The following DOCK3 variants were observed in gnomAD, a reference collection of about 807,000 sequenced individuals.
DOCK3 encodes dedicator of cytokinesis 3, also known as dedicator of cytokinesis protein 3.
DOCK3 carries 60 observed loss-of-function variants against 265.6 expected under a neutral mutation model. The observed-to-expected ratio is 0.23, with a 90% CI of 0.18 to 0.28. The LOEUF is 0.28. Ranked by LOEUF, DOCK3 falls within the 10% of genes least tolerant of loss-of-function variation. The pLI is 1.00. For missense variants in DOCK3, 1,981 were observed against 2,594.3 expected (o/e 0.76, Z 5.14); for synonymous variants, 881 against 938.0 (o/e 0.94, Z 1.11).
chr3:50,890,172 C>A, intron 4 of DOCK3, 91 bp downstream of exon 4: 1 of 1,019,178 alleles, frequency 9.8e-7, no homozygotes, highest in Non-Finnish European at 1.3e-6. Flanking sequence ...ATAAAATATA[C>A]AATTGATATG....
At chr3:50,787,020 A>G (rs947318919) in intron 2 of DOCK3, 4 of 741,142 alleles carry the variant, frequency 5.4e-6, no homozygotes, top group Non-Finnish European at 1.0e-5. Context: ...TTTTTCTCAC[A>G]AATTTCACAG....
chr3:51,305,703 A>AGTGTGT (rs528554544), intron 27 of DOCK3, among the ~76,000 whole-genome samples: 1 of 94,910 alleles, frequency 1.1e-5, no homozygotes, highest in Admixed American at 1.1e-4. Context: ...TAATTCCCTC[A>AGTGTGT]GTGTGTGTGT....
chr3:51,059,368 A>G (rs2081321102), intron 5 of DOCK3, among the ~76,000 whole-genome samples: 1 of 152,010 alleles, frequency 6.6e-6, no homozygotes, highest in South Asian at 2.1e-4. Flanking sequence ...GGGGAAATGC[A>G]GACATTTGGA....
chr3:50,796,143 C>T (rs1388469750), intron 2 of DOCK3, among the ~76,000 whole-genome samples: 1 of 151,732 alleles, frequency 6.6e-6, no homozygotes, highest in African/African-American at 2.4e-5. Flanking sequence ...TGGGTTCACG[C>T]CATTCTCCTG....
chr3:51,041,558 T>TA (rs1337456486), intron 5 of DOCK3, among the ~76,000 whole-genome samples: 2 of 152,060 alleles, frequency 1.3e-5, no homozygotes, highest in African/African-American at 2.4e-5. Context: ...AAGTGGAAAT[T>TA]ACTCCCTGAT....
chr3:51,227,808 A>C lies in DOCK3; in HGVS notation c.1541-174A>C, dbSNP rs1301735770. Among the ~76,000 whole-genome samples, 3 of 152,178 alleles carry C rather than the reference A, an allele frequency of 2.0e-5. No individual in the cohort carries two copies. In the East Asian group the frequency reaches 5.8e-4, roughly 29 times the overall value. On this transcript the variant is annotated intron_variant, in intron 16 of 52. Coordinates refer to ENST00000266037, the MANE Select transcript of DOCK3 (RefSeq NM_004947.5). Reference sequence around the variant, plus strand: ...GGGTCTAGGTAGCCTATATGCCTTGAGTATGAATGGAAACTCATTTCAGCA... The same window carrying C: ...GGGTCTAGGTAGCCTATATGCCTTGCGTATGAATGGAAACTCATTTCAGCA...
intron 1 of DOCK3, among the ~76,000 whole-genome samples, chr3:50,698,350 G>A (rs942722702): frequency 2.6e-5 from 4 of 151,880 alleles, no homozygotes; most frequent in Admixed American, 2.0e-4. Context: ...ATATCAATAC[G>A]TCATTCCTTT....
intron 1 of DOCK3, among the ~76,000 whole-genome samples, chr3:50,687,741 C>T (rs2034930946): frequency 6.6e-6 from 1 of 152,226 alleles, no homozygotes; most frequent in African/African-American, 2.4e-5. Context: ...AATTAGAAAG[C>T]TGTCCAGTCA....
chr3:50,957,914 TTATTC>T (rs1195050089), intron 5 of DOCK3, among the ~76,000 whole-genome samples: 1 of 152,210 alleles, frequency 6.6e-6, no homozygotes, highest in Non-Finnish European at 1.5e-5. Flanking sequence ...TTTCCCTAGT[TTATTC>T]TATTTTTTTC....
intron 9 of DOCK3, among the ~76,000 whole-genome samples, chr3:51,141,508 A>G (rs529700104): frequency 6.6e-6 from 1 of 152,268 alleles, no homozygotes; most frequent in African/African-American, 2.4e-5. Flanking sequence ...TATGGTGTGA[A>G]ATAAAGGTCC....
intron 5 of DOCK3, among the ~76,000 whole-genome samples, chr3:51,035,194 C>T (rs1266887546): frequency 1.3e-5 from 2 of 152,056 alleles, no homozygotes; most frequent in African/African-American, 4.8e-5. Context: ...CTCATTCTCT[C>T]TTTGTCTTTT....
At chr3:51,147,532 G>A (rs1358844397) in intron 10 of DOCK3, among the ~76,000 whole-genome samples, 1 of 152,010 alleles carries the variant, frequency 6.6e-6, no homozygotes, top group Non-Finnish European at 1.5e-5. Flanking sequence ...GATGTTCCCT[G>A]CCCTATGTCC....
At chr3:50,678,500 G>A (rs1014823614) in intron 1 of DOCK3, among the ~76,000 whole-genome samples, 1 of 152,176 alleles carries the variant, frequency 6.6e-6, no homozygotes, top group Admixed American at 6.5e-5. Flanking sequence ...AGCACCAACA[G>A]TTTTTAAAAC....
At chr3:51,105,743 C>T (rs1278165099) in intron 9 of DOCK3, among the ~76,000 whole-genome samples, 1 of 152,090 alleles carries the variant, frequency 6.6e-6, no homozygotes, top group Non-Finnish European at 1.5e-5. Flanking sequence ...AAGATGGTTG[C>T]ACTCCTAGCA....
At chr3:50,773,757 C>T (rs2041423833) in intron 1 of DOCK3, among the ~76,000 whole-genome samples, 1 of 152,010 alleles carries the variant, frequency 6.6e-6, no homozygotes, top group African/African-American at 2.4e-5. Flanking sequence ...GACTACAGAA[C>T]CTAATCCTTT....
chr3:51,310,780 T>C (rs1025843002), intron 28 of DOCK3, among the ~76,000 whole-genome samples: 1 of 152,222 alleles, frequency 6.6e-6, no homozygotes, highest in East Asian at 1.9e-4. Flanking sequence ...CCTGACTGCC[T>C]CATTTATATT....
intron 3 of DOCK3, among the ~76,000 whole-genome samples, chr3:50,872,958 G>C (rs2047504716): frequency 6.6e-6 from 1 of 152,178 alleles, no homozygotes; most frequent in African/African-American, 2.4e-5. Flanking sequence ...GTCCAGGACA[G>C]GTCCAGAAAT....
chr3:51,355,459 C>T (rs1030808997), intron 41 of DOCK3, among the ~76,000 whole-genome samples: 7 of 152,154 alleles, frequency 4.6e-5, no homozygotes, highest in East Asian at 3.9e-4. Context: ...CTTCATCAGG[C>T]GGACTGGGGC....
chr3:50,960,372 C>A (rs1026118129), intron 5 of DOCK3, among the ~76,000 whole-genome samples: 8 of 151,972 alleles, frequency 5.3e-5, no homozygotes, highest in Non-Finnish European at 1.2e-4. Flanking sequence ...ATCATTGTCT[C>A]CCTTTTTAAA....
Sources: gnomAD v4.1 joint callset for allele counts (sites outside exome capture counted in the v4.1 genomes callset) on GRCh38, gnomAD v4.1.1 for gene constraint, MANE v1.5 for transcripts, NCBI Gene and HGNC (gene_info 2026-07-23, HGNC 2026-07-21) for gene names.